ETV6: variants seen among roughly 807,000 people sequenced by gnomAD.
The protein encoded by ETV6 is ETS variant transcription factor 6.
ETV6 carries 16 observed loss-of-function variants against 51.1 expected under a neutral mutation model. That is an observed-to-expected ratio of 0.31 (90% confidence interval 0.21 to 0.48). The LOEUF (loss-of-function observed/expected upper bound fraction) is 0.48, where lower values mean the gene tolerates loss of function less well. Among genes scored for constraint, ETV6 ranks in the 20% least tolerant of loss-of-function variants. The probability of loss-of-function intolerance (pLI) is 0.99; values close to 1 mark genes in which losing one functional copy is unlikely to be tolerated. For synonymous variants in ETV6, 240 were observed against 224.1 expected (o/e 1.07, Z -0.64); for missense variants, 458 against 594.8 (o/e 0.77, Z 2.39).
At chr12:11,781,370 A>T (rs1401865351) in intron 2 of ETV6, among the ~76,000 whole-genome samples, 1 of 152,162 alleles carries the variant, frequency 6.6e-6, no homozygotes, top group Non-Finnish European at 1.5e-5. Context: ...AGATGTGAAA[A>T]ATAGAGTTGA....
chr12:11,789,585 G>C (rs1181195235), intron 2 of ETV6, among the ~76,000 whole-genome samples: 1 of 152,276 alleles, frequency 6.6e-6, no homozygotes, highest in East Asian at 1.9e-4. Context: ...TCCTGAGAAA[G>C]GGTAGGGGGG....
intron 2 of ETV6, among the ~76,000 whole-genome samples, chr12:11,805,640 C>T (rs1161939235): frequency 1.3e-5 from 2 of 152,134 alleles, no homozygotes; most frequent in Non-Finnish European, 2.9e-5. Context: ...CCTGTGAAGG[C>T]CCTGAGACTG....
At chr12:11,668,575 G>A (rs1008222865) in intron 1 of ETV6, among the ~76,000 whole-genome samples, 4 of 152,164 alleles carry the variant, frequency 2.6e-5, no homozygotes, top group Non-Finnish European at 2.9e-5. Flanking sequence ...CAGCACAGAC[G>A]CCAAGGGTCT....
chr12:11,686,890 TC>T (rs1864640888), intron 1 of ETV6, among the ~76,000 whole-genome samples: 2 of 152,162 alleles, frequency 1.3e-5, no homozygotes, highest in South Asian at 4.1e-4. Context: ...CCTTTTTTTT[TC>T]TTTCTTTTCT....
chr12:11,667,362 C>T (rs994860734), intron 1 of ETV6, among the ~76,000 whole-genome samples: 1 of 152,140 alleles, frequency 6.6e-6, no homozygotes, highest in African/African-American at 2.4e-5. Flanking sequence ...TACTTCCCCT[C>T]CCTTTACAGC....
At chr12:11,724,656 G>T (rs1315366293) in intron 1 of ETV6, among the ~76,000 whole-genome samples, 1 of 152,198 alleles carries the variant, frequency 6.6e-6, no homozygotes, top group Non-Finnish European at 1.5e-5. Context: ...AGAATAAAGA[G>T]TTGAGGGGAG....
intron 2 of ETV6, among the ~76,000 whole-genome samples, chr12:11,805,428 A>G (rs1483071264): frequency 6.6e-6 from 1 of 152,170 alleles, no homozygotes; most frequent in Non-Finnish European, 1.5e-5. Flanking sequence ...AGACAGGAGC[A>G]GGGATAGACA....
chr12:11,651,988 A>G (rs774364933), intron 1 of ETV6, among the ~76,000 whole-genome samples: 62 of 152,202 alleles, frequency 4.1e-4, no homozygotes, highest in Admixed American at 9.2e-4. Flanking sequence ...AAAGAGTACA[A>G]CAGTCCCTTG....
At chr12:11,680,956 G>C (rs1332779366) in intron 1 of ETV6, among the ~76,000 whole-genome samples, 1 of 152,140 alleles carries the variant, frequency 6.6e-6, no homozygotes, top group Non-Finnish European at 1.5e-5. Context: ...GGTAGACAAG[G>C]AAAATGTTGC....
At chr12:11,858,892 G>C (rs1686244852) in intron 4 of ETV6, among the ~76,000 whole-genome samples, 1 of 152,028 alleles carries the variant, frequency 6.6e-6, no homozygotes, top group Non-Finnish European at 1.5e-5. Context: ...CTAGCACATG[G>C]GAATGGCTCA....
At chr12:11,696,063 G>C (rs1864873541) in intron 1 of ETV6, among the ~76,000 whole-genome samples, 1 of 152,016 alleles carries the variant, frequency 6.6e-6, no homozygotes, top group African/African-American at 2.4e-5. Context: ...AATAAGATTA[G>C]CAAAACGATA....
At chr12:11,866,993 C>G (rs1946798962) in intron 4 of ETV6, among the ~76,000 whole-genome samples, 2 of 152,204 alleles carry the variant, frequency 1.3e-5, no homozygotes, top group African/African-American at 4.8e-5. Flanking sequence ...GCTGCACGGA[C>G]TGGGGAGGAA....
chr12:11,716,592 C>A (rs1038651525), intron 1 of ETV6: 1 of 152,206 alleles, frequency 6.6e-6, no homozygotes, highest in African/African-American at 2.4e-5. Context: ...TCTAGCAATG[C>A]TCCAAGGATG....
In ETV6 at chr12:11,874,658, GTATA is replaced by G. The variant is rs1555145782; in HGVS notation, c.1009+4691_1009+4694del. On this transcript the variant is annotated intron_variant, in intron 5 of 7. Transcript: ENST00000396373. The stretch of plus-strand genomic sequence containing the variant: ...TGTGTGTGTATATACACATATGTGT[GTATA>G]TGTATATATGTGTGTATATATGTAT... Among the ~76,000 whole-genome samples, 3 of 13,538 alleles carry G rather than the reference GTATA, an allele frequency of 2.2e-4. 1 individual carries two copies. The highest frequency in any genetic ancestry group is 5.9e-4 in the African/African-American group (3 of 5,072). The allele number at this position is 13,538 out of a possible 152,430, so 8.9% of individuals were successfully genotyped here. A position where few individuals can be genotyped will look rare whatever the true frequency, so the allele number is the denominator to read the frequency against.
At chr12:11,799,256 A>G (rs77900984) in intron 2 of ETV6, among the ~76,000 whole-genome samples, 2,412 of 152,306 alleles carry the variant, frequency 0.016, 80 homozygotes, top group African/African-American at 0.055. Flanking sequence ...AGTGCAGAAC[A>G]AGATCACTGT....
intron 1 of ETV6, among the ~76,000 whole-genome samples, chr12:11,715,921 A>G (rs1591628064): frequency 2.0e-5 from 3 of 152,344 alleles, no homozygotes; most frequent in Admixed American, 6.5e-5. Flanking sequence ...CTTTTTTCAC[A>G]TAAATAGAAG....
chr12:11,780,385 G>A (rs1945395818), intron 2 of ETV6, among the ~76,000 whole-genome samples: 1 of 151,980 alleles, frequency 6.6e-6, no homozygotes, highest in Admixed American at 6.6e-5. Context: ...TTCATTCTGT[G>A]GTGTAACACT....
intron 7 of ETV6, among the ~76,000 whole-genome samples, chr12:11,887,705 G>A (rs1015260941): frequency 6.8e-5 from 10 of 147,900 alleles, no homozygotes; most frequent in Non-Finnish European, 1.0e-4. Flanking sequence ...CTGAGATCGC[G>A]CCACTGCACT....
rs74060887 is a variant in ETV6, at chr12:11,866,632, A to C, written c.464-2792A>C. ...CTTGTCCTAGGGTTTTTACTCCTAC[A>C]TTGTGGCCATTCTGGGGTAACAAAC... is the stretch of plus-strand genomic sequence containing the variant. On this transcript the variant is annotated intron_variant, in intron 4 of 7. Coordinates refer to ENST00000396373, the MANE Select transcript of ETV6 (RefSeq NM_001987.5). Among the ~76,000 whole-genome samples the C allele has an allele frequency of 9.4e-3, 1,439 of 152,290 alleles. 22 individuals are homozygous for C. The highest frequency in any genetic ancestry group is 0.033 in the African/African-American group (1,374 of 41,562).
Sources: allele counts gnomAD v4.1 joint callset (sites outside exome capture counted in the v4.1 genomes callset), GRCh38; gene constraint gnomAD v4.1.1; transcripts MANE v1.5; gene names NCBI Gene and HGNC (gene_info 2026-07-23, HGNC 2026-07-21).